Variants in FLT1 observed in about 807,000 individuals in gnomAD.
FLT1 encodes the protein vascular endothelial growth factor receptor 1.
Under a neutral mutation model 156.3 loss-of-function variants are expected in FLT1, and 49 were observed. The ratio of observed to expected loss-of-function variants is 0.31; its 90% confidence interval spans 0.25 to 0.40. The LOEUF is 0.40. FLT1 is among the 10% of genes least tolerant of loss of function. The pLI, the probability that FLT1 is intolerant of heterozygous loss-of-function variation, is 1.00. For synonymous variants in FLT1, 594 were observed against 583.8 expected (o/e 1.02, Z -0.25); for missense variants, 1,322 against 1,637.2 (o/e 0.81, Z 3.32).
At chr13:28,321,630 C>A (rs138809052) in intron 22 of FLT1, 45 bp from the exon 23 acceptor site, 9 of 1,604,340 alleles carry the variant, frequency 5.6e-6, no homozygotes, top group Non-Finnish European at 6.8e-6. Flanking sequence ...CTTAACCTAA[C>A]CAACTAATTT....
At chr13:28,387,579 C>G in intron 13 of FLT1, 1 of 1,064,484 alleles carries the variant, frequency 9.4e-7, no homozygotes, top group Non-Finnish European at 1.1e-6. Flanking sequence ...GTTATGGCCC[C>G]AGAGATCTGC....
chr13:28,419,128 A>G (rs1593771043), intron 10 of FLT1, among the ~76,000 whole-genome samples: 1 of 152,232 alleles, frequency 6.6e-6, no homozygotes, highest in Non-Finnish European at 1.5e-5. Context: ...TAGAGAAAGT[A>G]TGAAGAAACA....
chr13:28,305,832 C>T (rs1224410556), intron 29 of FLT1, among the ~76,000 whole-genome samples: 1 of 152,140 alleles, frequency 6.6e-6, no homozygotes, highest in Non-Finnish European at 1.5e-5. Flanking sequence ...TCATGTGTGA[C>T]CCAAGATAAT....
chr13:28,312,409 AAC>A (rs998369482), intron 25 of FLT1, among the ~76,000 whole-genome samples: 3 of 152,112 alleles, frequency 2.0e-5, no homozygotes, highest in African/African-American at 7.2e-5. Flanking sequence ...CTGTGAATGA[AAC>A]ACAGCAATTC....
intron 15 of FLT1, among the ~76,000 whole-genome samples, chr13:28,354,345 A>G (rs1872827029): frequency 6.6e-6 from 1 of 152,170 alleles, no homozygotes; most frequent in African/African-American, 2.4e-5. Flanking sequence ...GCAAAGTTAT[A>G]TTCTTATATA....
chr13:28,477,544 C>G (rs573044498), intron 1 of FLT1, among the ~76,000 whole-genome samples: 23 of 152,278 alleles, frequency 1.5e-4, no homozygotes, highest in African/African-American at 5.1e-4. Context: ...AGACATAACT[C>G]GTAAAATACT....
At chr13:28,374,462 A>AACCCAAAAG (rs1302043969) in intron 14 of FLT1, among the ~76,000 whole-genome samples, 1 of 151,918 alleles carries the variant, frequency 6.6e-6, no homozygotes, top group Non-Finnish European at 1.5e-5. Context: ...AAACCCAAAA[A>AACCCAAAAG]AACCCTTTTT....
At chr13:28,458,828 A>G (rs1331605653) in intron 3 of FLT1, among the ~76,000 whole-genome samples, 1 of 152,236 alleles carries the variant, frequency 6.6e-6, no homozygotes, top group Non-Finnish European at 1.5e-5. Context: ...GGTCCTAATC[A>G]GCTGTCTGCC....
At chr13:28,445,042 A>G (rs1593800134) in intron 3 of FLT1, among the ~76,000 whole-genome samples, 1 of 152,242 alleles carries the variant, frequency 6.6e-6, no homozygotes, top group African/African-American at 2.4e-5. Context: ...GAAATTAAAG[A>G]GAATGCAAAA....
chr13:28,490,868 T>C (rs1259252508), intron 1 of FLT1, among the ~76,000 whole-genome samples: 1 of 152,198 alleles, frequency 6.6e-6, no homozygotes, highest in Non-Finnish European at 1.5e-5. Context: ...CCCCTAACTG[T>C]GAGATCCAAA....
chr13:28,433,795 G>A, intron 6 of FLT1, 24 bp downstream of exon 6: 1 of 1,611,296 alleles, frequency 6.2e-7, no homozygotes, highest in Non-Finnish European at 8.5e-7. Flanking sequence ...TCCTGCAGAA[G>A]AAATAGAAAA....
intron 13 of FLT1, 109 bp from the exon 14 acceptor site, chr13:28,385,140 G>T: frequency 8.7e-7 from 1 of 1,143,608 alleles, no homozygotes; most frequent in Non-Finnish European, 1.3e-6. Flanking sequence ...TCAACTATTA[G>T]GTTTCATTTT....
chr13:28,476,058 A>C (rs1297489855), intron 1 of FLT1, among the ~76,000 whole-genome samples: 1 of 152,184 alleles, frequency 6.6e-6, no homozygotes, highest in African/African-American at 2.4e-5. Flanking sequence ...TTGTCTTCCA[A>C]AACAATTGGC....
chr13:28,313,475 G>T (rs142849647), intron 25 of FLT1, among the ~76,000 whole-genome samples: 1 of 152,306 alleles, frequency 6.6e-6, no homozygotes, highest in East Asian at 1.9e-4. Context: ...TCTCTCAGAA[G>T]ATGGTCTGGA....
intron 3 of FLT1, among the ~76,000 whole-genome samples, chr13:28,448,202 T>A (rs1878724829): frequency 6.6e-6 from 1 of 152,232 alleles, no homozygotes; most frequent in Non-Finnish European, 1.5e-5. Flanking sequence ...AGTCTGGCAG[T>A]TCCTCAAATT....
At position 28,432,850 on chromosome 13, in the gene FLT1, A is replaced by G. The variant is rs567741209; in HGVS notation, c.813+969T>C. ...GAATATTTGATTTCTATTAAAACCC[A>G]GAAAATATTGCTACAAGCCATAGCA... On this transcript the variant is annotated intron_variant, in intron 6 of 29. Transcript: ENST00000282397. 4.9e-4 allele frequency among the ~76,000 whole-genome samples: 75 copies of G among 152,372 alleles called. 3 individuals are homozygous for G. In the South Asian group the frequency reaches 0.015, roughly 31 times the overall value.
At chr13:28,463,551 T>C (rs929247346) in intron 3 of FLT1, among the ~76,000 whole-genome samples, 13 of 152,224 alleles carry the variant, frequency 8.5e-5, no homozygotes, top group African/African-American at 2.4e-4. Flanking sequence ...CTGCAGATGC[T>C]TATTGGGGCT....
chr13:28,360,965 T>A (rs1034008754), intron 14 of FLT1, among the ~76,000 whole-genome samples: 1 of 152,102 alleles, frequency 6.6e-6, no homozygotes, highest in South Asian at 2.1e-4. Context: ...TATATATAAT[T>A]ATTATTATTT....
At chr13:28,347,979 T>A (rs1872619881) in intron 15 of FLT1, among the ~76,000 whole-genome samples, 1 of 152,198 alleles carries the variant, frequency 6.6e-6, no homozygotes, top group Admixed American at 6.5e-5. Flanking sequence ...TCCTCCTCTC[T>A]GATCCTTCCA....
Sources: allele counts gnomAD v4.1 joint callset (sites outside exome capture counted in the v4.1 genomes callset), GRCh38; gene constraint gnomAD v4.1.1; transcripts MANE v1.5; gene names NCBI Gene and HGNC (gene_info 2026-07-23, HGNC 2026-07-21).